The following PLPP1 variants were observed in gnomAD, a reference collection of about 807,000 sequenced individuals.
PLPP1 encodes the protein lipid phosphate phosphohydrolase 1a.
A neutral mutation model predicts 31.2 loss-of-function variants in PLPP1; 24 were observed. That is an observed-to-expected ratio of 0.77 (90% CI 0.56 to 1.08). The LOEUF (loss-of-function observed/expected upper bound fraction) is 1.08, where lower values mean the gene tolerates loss of function less well. Among genes scored for constraint, PLPP1 ranks in the 50% least tolerant of loss-of-function variants. The probability of loss-of-function intolerance (pLI) is 0.00; values close to 1 mark genes in which losing one functional copy is unlikely to be tolerated. For missense variants in PLPP1, 319 were observed against 342.7 expected (o/e 0.93, Z 0.55); for synonymous variants, 146 against 126.3 (o/e 1.16, Z -1.05).
intron 1 of PLPP1, among the ~76,000 whole-genome samples, chr5:55,500,049 T>C (rs1469359110): frequency 2.0e-5 from 3 of 150,952 alleles, no homozygotes; most frequent in African/African-American, 7.3e-5. Context: ...AAAAACATCA[T>C]ATATGGTATA....
At chr5:55,496,041 A>G (rs1475908687) in intron 1 of PLPP1, among the ~76,000 whole-genome samples, 1 of 152,020 alleles carries the variant, frequency 6.6e-6, no homozygotes, top group Non-Finnish European at 1.5e-5. Flanking sequence ...TAGTTTCAGT[A>G]AAGACGGGTT....
At chr5:55,438,189 A>G (rs1751537745) in intron 4 of PLPP1, among the ~76,000 whole-genome samples, 1 of 147,280 alleles carries the variant, frequency 6.8e-6, no homozygotes, top group Non-Finnish European at 1.5e-5. Flanking sequence ...GACTCATACC[A>G]TGGCTGTTCT....
At chr5:55,526,915 G>C (rs541903884) in intron 1 of PLPP1, among the ~76,000 whole-genome samples, 5 of 120,966 alleles carry the variant, frequency 4.1e-5, no homozygotes, top group Non-Finnish European at 6.4e-5. Flanking sequence ...CTGGGCGACA[G>C]AGCGAGATTC....
chr5:55,502,962 G>C lies in PLPP1; in HGVS notation c.59-27512C>G, dbSNP rs117223298. ...CGCCTTCATGTAAAGGGAAGCAAGAGAGCCAGTCAAGTATGACTGGGTACC... is the reference window on the plus strand; with the variant it reads ...CGCCTTCATGTAAAGGGAAGCAAGACAGCCAGTCAAGTATGACTGGGTACC... On this transcript the variant is annotated intron_variant, in intron 1 of 5. Transcript: ENST00000307259. Among the ~76,000 whole-genome samples, 117 of 152,282 alleles carry C rather than the reference G, an allele frequency of 7.7e-4. No homozygotes were observed. In the East Asian group the frequency reaches 0.018, roughly 23 times the overall value.
At chr5:55,454,863 A>G (rs1350311329) in intron 3 of PLPP1, among the ~76,000 whole-genome samples, 1 of 152,240 alleles carries the variant, frequency 6.6e-6, no homozygotes, top group Admixed American at 6.5e-5. Flanking sequence ...CTTACCCAGT[A>G]ATGTCTACAA....
chr5:55,443,731 A>C (rs1751687548), intron 3 of PLPP1, among the ~76,000 whole-genome samples: 1 of 152,218 alleles, frequency 6.6e-6, no homozygotes, highest in African/African-American at 2.4e-5. Flanking sequence ...TTTTACACTG[A>C]ATACAAAAAC....
At chr5:55,530,761 A>G in intron 1 of PLPP1, 1 of 1,563,960 alleles carries the variant, frequency 6.4e-7, no homozygotes, top group Non-Finnish European at 8.8e-7. Flanking sequence ...CATTGCAGTC[A>G]GGAAACATTT....
chr5:55,437,818 A>G (rs1001088325), intron 4 of PLPP1, among the ~76,000 whole-genome samples: 1 of 152,232 alleles, frequency 6.6e-6, no homozygotes, highest in Non-Finnish European at 1.5e-5. Flanking sequence ...GCTATGGGCC[A>G]TGAGTTGTTC....
At chr5:55,425,791 A>ATTTTTTTGAT in intron 5 of PLPP1, 72 bp downstream of exon 5, 1 of 1,009,700 alleles carries the variant, frequency 9.9e-7, no homozygotes, top group Non-Finnish European at 1.4e-6. Flanking sequence ...GATTTTTTGG[A>ATTTTTTTGAT]TTTTTTTTTT....
At chr5:55,490,225 A>C (rs1752860724) in intron 1 of PLPP1, among the ~76,000 whole-genome samples, 2 of 134,678 alleles carry the variant, frequency 1.5e-5, no homozygotes, top group Non-Finnish European at 3.0e-5. Context: ...ATCTTGGCTC[A>C]CTGAAATCTC....
chr5:55,485,022 TTGAC>T (rs1469131079), intron 1 of PLPP1: 1 of 152,146 alleles, frequency 6.6e-6, no homozygotes, highest in Non-Finnish European at 1.5e-5. Context: ...CCCTGAGACT[TTGAC>T]TGTGTATCTT....
At chr5:55,457,029 G>T (rs1752029713) in intron 3 of PLPP1, among the ~76,000 whole-genome samples, 1 of 151,974 alleles carries the variant, frequency 6.6e-6, no homozygotes, top group African/African-American at 2.4e-5. Flanking sequence ...GGAGGGTGGT[G>T]CAGGCCTGTA....
At chr5:55,526,931 C>CAA (rs34267008) in intron 1 of PLPP1, among the ~76,000 whole-genome samples, 5,805 of 72,840 alleles carry the variant, frequency 0.08, 517 homozygotes, top group East Asian at 0.17. Flanking sequence ...GATTCCATCT[C>CAA]AAAAAAAAAA....
intron 3 of PLPP1, among the ~76,000 whole-genome samples, chr5:55,447,274 C>A (rs543422501): frequency 2.3e-4 from 35 of 152,166 alleles, no homozygotes; most frequent in African/African-American, 8.2e-4. Context: ...TCAGCAACAG[C>A]GGTTTGTTTT....
intron 1 of PLPP1, among the ~76,000 whole-genome samples, chr5:55,513,927 G>C (rs2111918786): frequency 6.6e-6 from 1 of 152,230 alleles, no homozygotes; most frequent in East Asian, 1.9e-4. Context: ...GTAGGGTGGG[G>C]ATTGAGAGCA....
chr5:55,436,034 A>C (rs955846050), intron 4 of PLPP1, among the ~76,000 whole-genome samples: 54 of 151,786 alleles, frequency 3.6e-4, no homozygotes, highest in African/African-American at 1.2e-3. Flanking sequence ...AAAAAAAAAA[A>C]AACTTCTTAG....
chr5:55,455,019 C>T (rs903782330), intron 3 of PLPP1, among the ~76,000 whole-genome samples: 4 of 152,152 alleles, frequency 2.6e-5, no homozygotes, highest in Non-Finnish European at 5.9e-5. Context: ...ATTTTATCTG[C>T]ATGTGGGTTG....
chr5:55,466,527 AC>A (rs1255881469), intron 3 of PLPP1, among the ~76,000 whole-genome samples: 7 of 152,014 alleles, frequency 4.6e-5, no homozygotes, highest in African/African-American at 1.7e-4. Context: ...ACATGGTAAA[AC>A]CCCGTCTCTA....
At chr5:55,520,018 T>C (rs1238941161) in intron 1 of PLPP1, among the ~76,000 whole-genome samples, 3 of 152,240 alleles carry the variant, frequency 2.0e-5, no homozygotes, top group Admixed American at 1.3e-4. Flanking sequence ...GACAAGTTTA[T>C]ATTCAAGAAA....
Sources: allele counts gnomAD v4.1 joint callset (sites outside exome capture counted in the v4.1 genomes callset), GRCh38; gene constraint gnomAD v4.1.1; transcripts MANE v1.5; gene names NCBI Gene and HGNC (gene_info 2026-07-23, HGNC 2026-07-21).